The following PPP2R5A variants were observed in gnomAD, a reference collection of about 807,000 sequenced individuals.
The protein encoded by PPP2R5A is serine/threonine-protein phosphatase 2A 56 kDa regulatory subunit alpha isoform.
Under a neutral mutation model 64.2 loss-of-function variants are expected in PPP2R5A, and 25 were observed. That is an observed-to-expected ratio of 0.39 (90% confidence interval 0.28 to 0.54). PPP2R5A has a LOEUF of 0.54. PPP2R5A is among the 20% of genes least tolerant of loss of function. PPP2R5A has a pLI of 0.67. For synonymous variants in PPP2R5A, 198 were observed against 201.2 expected (o/e 0.98, Z 0.13); for missense variants, 425 against 576.3 (o/e 0.74, Z 2.69).
intron 1 of PPP2R5A, among the ~76,000 whole-genome samples, chr1:212,301,078 A>C (rs372947733): frequency 5.9e-5 from 9 of 152,086 alleles, no homozygotes; most frequent in Non-Finnish European, 8.8e-5. Flanking sequence ...CAGTGGTGCA[A>C]TCTCCTCACT....
chr1:212,356,287 A>G (rs1261690870), intron 8 of PPP2R5A, among the ~76,000 whole-genome samples: 1 of 152,118 alleles, frequency 6.6e-6, no homozygotes, highest in Non-Finnish European at 1.5e-5. Flanking sequence ...TAGAAGTAGC[A>G]CATACTATTA....
chr1:212,335,368 A>C (rs972758850), intron 3 of PPP2R5A, among the ~76,000 whole-genome samples: 3 of 151,666 alleles, frequency 2.0e-5, no homozygotes, highest in Non-Finnish European at 4.4e-5. Flanking sequence ...CCAACTACTC[A>C]GGAGGCTGAG....
chr1:212,333,027 C>T (rs115728650), intron 2 of PPP2R5A, among the ~76,000 whole-genome samples: 2,157 of 151,786 alleles, frequency 0.014, 49 homozygotes, highest in African/African-American at 0.048. Flanking sequence ...TCAGCCTCTC[C>T]AGTAGTTAGG....
At chr1:212,346,956 GA>G (rs1571607919) in intron 5 of PPP2R5A, among the ~76,000 whole-genome samples, 2 of 152,276 alleles carry the variant, frequency 1.3e-5, no homozygotes, top group East Asian at 1.9e-4. Flanking sequence ...GAGGTGTAAA[GA>G]AATTCTGATT....
intron 1 of PPP2R5A, among the ~76,000 whole-genome samples, chr1:212,319,963 T>G (rs1659237042): frequency 2.7e-5 from 4 of 149,936 alleles, no homozygotes; most frequent in Admixed American, 6.6e-5. Context: ...TTTTTTTTTT[T>G]TTTTTATTGA....
rs1227618693 is a variant in PPP2R5A at position 212,361,211 on chromosome 1, T to A, written c.*441T>A. 1.3e-5 allele frequency: 2 copies of A among 152,804 alleles called. No individual in the cohort carries two copies. The highest frequency in any genetic ancestry group is 2.9e-5 in the Non-Finnish European group (2 of 68,226). 9.5% of individuals were successfully genotyped at this position (152,804 alleles called of 1,614,324 possible). A position where few individuals can be genotyped will look rare whatever the true frequency, so the allele number is the denominator to read the frequency against. ...AATACTTCCTAAAATAAAACTAAGG[T>A]ATCATCCTTACCCTTCTCTTTGTCT... On this transcript the variant is annotated 3_prime_UTR_variant, in exon 13 of 13. Transcript: ENST00000261461.
chr1:212,314,259 C>T (rs1180081383), intron 1 of PPP2R5A, among the ~76,000 whole-genome samples: 1 of 152,190 alleles, frequency 6.6e-6, no homozygotes, highest in African/African-American at 2.4e-5. Context: ...CTCAGAATTC[C>T]ATCCTCTAGT....
chr1:212,352,763 A>T, intron 8 of PPP2R5A: 1 of 518,196 alleles, frequency 1.9e-6, no homozygotes, highest in Non-Finnish European at 3.8e-6. Context: ...ATTCATTTTC[A>T]ATTACGCATA....
At chr1:212,351,978 A>C (rs537835755) in intron 8 of PPP2R5A, among the ~76,000 whole-genome samples, 8 of 149,702 alleles carry the variant, frequency 5.3e-5, no homozygotes, top group African/African-American at 1.5e-4. Flanking sequence ...TTTTTATTTT[A>C]TTTTATATTT....
chr1:212,286,445 C>G (rs1658504449), intron 1 of PPP2R5A, among the ~76,000 whole-genome samples, 154 bp downstream of exon 1: 1 of 152,216 alleles, frequency 6.6e-6, no homozygotes, highest in African/African-American at 2.4e-5. Context: ...CGTCACCTCA[C>G]GCCCTCCTCC....
chr1:212,323,696 G>C (rs1411217687), intron 1 of PPP2R5A, among the ~76,000 whole-genome samples: 2 of 152,186 alleles, frequency 1.3e-5, no homozygotes, highest in Non-Finnish European at 2.9e-5. Context: ...ATGGATTACT[G>C]AATGGATAAG....
chr1:212,312,760 A>G (rs1659062659), intron 1 of PPP2R5A, among the ~76,000 whole-genome samples: 1 of 152,180 alleles, frequency 6.6e-6, no homozygotes, highest in South Asian at 2.1e-4. Context: ...TAAAACCCCA[A>G]CAGGGAAATT....
chr1:212,290,327 TACTC>T (rs959136208), intron 1 of PPP2R5A, among the ~76,000 whole-genome samples: 7 of 152,244 alleles, frequency 4.6e-5, no homozygotes, highest in South Asian at 2.1e-4. Context: ...AAAACCGTAC[TACTC>T]ACTCAACTTT....
intron 8 of PPP2R5A, among the ~76,000 whole-genome samples, chr1:212,351,161 T>TA: frequency 6.6e-6 from 1 of 151,454 alleles, no homozygotes; most frequent in South Asian, 2.1e-4. Flanking sequence ...TGATGGCCAG[T>TA]TATTCAGCTT....
In PPP2R5A at chr1:212,357,224, A is replaced by G. The variant is rs779417635; in HGVS notation, c.1166A>G (p.Asp389Gly). 6.3e-7 allele frequency: 1 copy of G among 1,596,644 alleles called. No individual in the cohort carries two copies. Among genetic ancestry groups the G allele is most frequent in the Non-Finnish European group, 8.5e-7 (1 of 1,174,566 alleles). The change falls in exon 11 of 13, where the codon GAT (aspartate) becomes GGT (glycine). Residue 389 changes from aspartate (D) to glycine (G), a missense_variant. By Grantham distance (94) the Asp-to-Gly change is moderately conservative. Around this residue, in one of 4 missense-constraint regions of PPP2R5A, gnomAD observed 177 missense variants for 244.8 expected, o/e 0.72. Transcript: ENST00000261461. ...YILSLIEENI[D>G]KILPIMFASL... ...CTTAGTTTGATTGAGGAGAACATTG[A>G]TAAAATTCTGCCAATTATGTTTGCC...
chr1:212,288,088 C>G (rs146916631), intron 1 of PPP2R5A, among the ~76,000 whole-genome samples: 1 of 152,178 alleles, frequency 6.6e-6, no homozygotes, highest in Non-Finnish European at 1.5e-5. Flanking sequence ...GCGATCTCAG[C>G]TCACTGCAAC....
chr1:212,351,012 C>T (rs536851435), intron 8 of PPP2R5A, among the ~76,000 whole-genome samples: 3 of 148,402 alleles, frequency 2.0e-5, no homozygotes, highest in East Asian at 4.0e-4. Context: ...GGCATGGTGG[C>T]GTGTGCCTGT....
At chr1:212,314,588 G>A (rs1659109311) in intron 1 of PPP2R5A, among the ~76,000 whole-genome samples, 1 of 143,180 alleles carries the variant, frequency 7.0e-6, no homozygotes, top group Non-Finnish European at 1.5e-5. Flanking sequence ...ATGGTGTCTC[G>A]CTGTGATGCC....
At chr1:212,289,376 C>G (rs1254606483) in intron 1 of PPP2R5A, among the ~76,000 whole-genome samples, 3 of 152,146 alleles carry the variant, frequency 2.0e-5, no homozygotes, top group African/African-American at 7.2e-5. Context: ...TTGGGTCATC[C>G]CTGAACTTTT....
Sources: allele counts gnomAD v4.1 joint callset (sites outside exome capture counted in the v4.1 genomes callset), GRCh38; gene constraint gnomAD v4.1.1; regional missense constraint gnomAD v4.1.1; transcripts MANE v1.5; gene names NCBI Gene and HGNC (gene_info 2026-07-23, HGNC 2026-07-21).